Variants in CYRIB observed in about 807,000 individuals in gnomAD.
CYRIB encodes CYFIP-related Rac1 interactor B.
In CYRIB, 8 loss-of-function variants were observed where a neutral mutation model predicts 44.2. The observed-to-expected ratio is 0.18, with a 90% CI of 0.11 to 0.33. The LOEUF is 0.33. Among genes scored for constraint, CYRIB ranks in the 10% least tolerant of loss-of-function variants. CYRIB has a pLI of 1.00. For synonymous variants in CYRIB, 131 were observed against 127.2 expected (o/e 1.03, Z -0.20); for missense variants, 185 against 382.8 (o/e 0.48, Z 4.31).
intron 3 of CYRIB, among the ~76,000 whole-genome samples, chr8:129,876,697 G>C (rs905956698): frequency 6.7e-6 from 1 of 149,756 alleles, no homozygotes; most frequent in Admixed American, 6.6e-5. Context: ...TAATCTGCAT[G>C]AATTATTTCT....
At chr8:129,859,108 C>A (rs1477214826) in intron 5 of CYRIB, among the ~76,000 whole-genome samples, 1 of 152,098 alleles carries the variant, frequency 6.6e-6, no homozygotes, top group Non-Finnish European at 1.5e-5. Context: ...GACGAAGGGG[C>A]AGGATAAGGA....
chr8:130,010,718 C>G (rs918120519), intron 1 of CYRIB, among the ~76,000 whole-genome samples: 9 of 152,052 alleles, frequency 5.9e-5, no homozygotes, highest in Non-Finnish European at 1.5e-5. Context: ...GCATGCATGC[C>G]TCCTCCTCTA....
intron 2 of CYRIB, among the ~76,000 whole-genome samples, chr8:129,900,069 G>A (rs994187136): frequency 1.3e-5 from 2 of 152,162 alleles, no homozygotes; most frequent in African/African-American, 4.8e-5. Context: ...GGATGACAAA[G>A]GATAGAAAAT....
At chr8:129,839,620 A>T (rs1301464016) in exon 12 of CYRIB, 2 of 152,254 alleles carry the variant, frequency 1.3e-5, no homozygotes, top group Non-Finnish European at 2.9e-5. Flanking sequence ...TTTATTTATG[A>T]ACACTAAAAT....
At chr8:129,923,060 C>T (rs1296263901) in intron 1 of CYRIB, among the ~76,000 whole-genome samples, 2 of 137,934 alleles carry the variant, frequency 1.4e-5, no homozygotes, top group Non-Finnish European at 1.6e-5. Context: ...GAAACCCCGT[C>T]TCTACTAAAA....
intron 1 of CYRIB, among the ~76,000 whole-genome samples, chr8:129,913,159 G>A (rs962596959): frequency 3.3e-5 from 5 of 151,956 alleles, no homozygotes; most frequent in African/African-American, 1.2e-4. Context: ...TTTTAGTAGA[G>A]ACAGGGTTTC....
At chr8:129,890,404 C>T (rs936330074) in intron 2 of CYRIB, 14 of 152,206 alleles carry the variant, frequency 9.2e-5, no homozygotes, top group African/African-American at 3.1e-4. Flanking sequence ...AGGTTAAGAC[C>T]TGCTAAATGA....
At chr8:129,933,770 A>C (rs2092220585) in intron 1 of CYRIB, among the ~76,000 whole-genome samples, 1 of 151,790 alleles carries the variant, frequency 6.6e-6, no homozygotes, top group African/African-American at 2.4e-5. Context: ...GCTACTCAGG[A>C]GGCTGAGGTA....
At chr8:129,890,391 A>G (rs2064776070) in intron 2 of CYRIB, 1 of 152,252 alleles carries the variant, frequency 6.6e-6, no homozygotes, top group Non-Finnish European at 1.5e-5. Flanking sequence ...TCCACTAGCA[A>G]AAAGGTTAAG....
intron 2 of CYRIB, among the ~76,000 whole-genome samples, chr8:129,957,494 A>C (rs1321071241): frequency 6.6e-6 from 1 of 152,224 alleles, no homozygotes; most frequent in Non-Finnish European, 1.5e-5. Flanking sequence ...ATCTAAGCTG[A>C]AAACCTTATT....
intron 3 of CYRIB, among the ~76,000 whole-genome samples, chr8:129,878,325 G>A (rs1396670555): frequency 6.6e-6 from 1 of 152,122 alleles, no homozygotes; most frequent in Non-Finnish European, 1.5e-5. Context: ...GTGTTCATAT[G>A]AACTGCCATG....
chr8:129,935,294 G>C (rs1340989250), intron 1 of CYRIB, among the ~76,000 whole-genome samples: 2 of 152,170 alleles, frequency 1.3e-5, no homozygotes, highest in African/African-American at 2.4e-5. Flanking sequence ...CTAGATCAAT[G>C]GTCCCCAATC....
intron 1 of CYRIB, among the ~76,000 whole-genome samples, chr8:130,005,981 A>T (rs2097051648): frequency 6.6e-6 from 1 of 152,094 alleles, no homozygotes; most frequent in African/African-American, 2.4e-5. Flanking sequence ...GGACCTCTGC[A>T]TCAGAATCAC....
intron 1 of CYRIB, among the ~76,000 whole-genome samples, chr8:129,920,110 G>C (rs2082777015): frequency 6.8e-6 from 1 of 147,526 alleles, no homozygotes; most frequent in Non-Finnish European, 1.5e-5. Flanking sequence ...AAAAAAAAAA[G>C]TACTATTCTA....
chr8:129,944,510 C>T (rs900464034), upstream of CYRIB, among the ~76,000 whole-genome samples: 2 of 152,224 alleles, frequency 1.3e-5, no homozygotes, highest in East Asian at 3.9e-4. Context: ...TTGCCGGGCG[C>T]GGTGGCTCAC....
chr8:129,988,139 A>G (rs895254255), intron 1 of CYRIB, among the ~76,000 whole-genome samples: 2 of 152,194 alleles, frequency 1.3e-5, no homozygotes, highest in Non-Finnish European at 2.9e-5. Flanking sequence ...CAAAGGTTTC[A>G]TAGTCTCCTG....
At chr8:129,917,909 TTTAA>T (rs1352335556) in intron 1 of CYRIB, among the ~76,000 whole-genome samples, 1 of 152,336 alleles carries the variant, frequency 6.6e-6, no homozygotes, top group Admixed American at 6.5e-5. Flanking sequence ...TTTTAAGAAA[TTTAA>T]TTATTTCTTT....
intron 1 of CYRIB, among the ~76,000 whole-genome samples, chr8:130,007,433 G>C (rs571014975): frequency 6.6e-6 from 1 of 152,188 alleles, no homozygotes; most frequent in African/African-American, 2.4e-5. Flanking sequence ...TCTGTAAAAC[G>C]GGAATAATAT....
chr8:130,013,797 A>T, intron 1 of CYRIB, among the ~76,000 whole-genome samples: 1 of 152,184 alleles, frequency 6.6e-6, no homozygotes, highest in East Asian at 1.9e-4. Context: ...CAACCATTTC[A>T]AGGTCAACTG....
Sources: gnomAD v4.1 joint callset for allele counts (sites outside exome capture counted in the v4.1 genomes callset) on GRCh38, gnomAD v4.1.1 for gene constraint, MANE v1.5 for transcripts, NCBI Gene and HGNC (gene_info 2026-07-23, HGNC 2026-07-21) for gene names.